TBC1D25: variants seen among roughly 807,000 people sequenced by gnomAD.
The protein encoded by TBC1D25 is TBC1 domain family member 25.
TBC1D25 carries 13 observed loss-of-function variants against 38.8 expected under a neutral mutation model. The observed-to-expected ratio is 0.34, with a 90% confidence interval of 0.22 to 0.53. The LOEUF (loss-of-function observed/expected upper bound fraction) is 0.53, where lower values mean the gene tolerates loss of function less well. Ranked by LOEUF, TBC1D25 falls within the 20% of genes least tolerant of loss-of-function variation. TBC1D25 has a pLI of 0.94. For synonymous variants in TBC1D25, 225 were observed against 255.6 expected, an observed-to-expected ratio of 0.88 and a Z score of 1.14; for missense variants, 372 against 600.0, an observed-to-expected ratio of 0.62 and a Z score of 3.97.
chrX:48,553,636 T>TC (rs2061952999), intron 3 of TBC1D25, among the ~76,000 whole-genome samples: 1 of 100,751 alleles, frequency 9.9e-6, no homozygotes. Context: ...TTTTTTTTTT[T>TC]TTGAGGCAGG....
rs111960879 is a variant in TBC1D25 at position 48,543,896 on chromosome X, A to AC, written c.234-973_234-972insC. ...GAGACTCCGTCTCAAAAAAAAAAAA[A>AC]AACGAATTTATGATCTCATCAGCAG... On this transcript the variant is annotated intron_variant, in intron 2 of 5. Coordinates refer to ENST00000376771, the MANE Select transcript of TBC1D25 (RefSeq NM_002536.4). 1.4e-3 allele frequency among the ~76,000 whole-genome samples: 156 copies of AC among 110,116 alleles called. 2 individuals carry two copies. Among genetic ancestry groups the AC allele is most frequent in the African/African-American group, 4.9e-3 (149 of 30,250 alleles).
At chrX:48,553,113 G>A (rs2061948114) in intron 3 of TBC1D25, among the ~76,000 whole-genome samples, 1 of 109,609 alleles carries the variant, frequency 9.1e-6, no homozygotes, top group Non-Finnish European at 1.9e-5. Context: ...TTTAAATTCC[G>A]GGTTATCATT....
rs1231628176 is a variant in TBC1D25 at position 48,562,380 on chromosome X, A to AC, written c.*1410dup. 7.2e-5 allele frequency: 8 copies of AC among 111,748 alleles called. No individual in the cohort carries two copies. The East Asian group carries it at 2.3e-3, about 31-fold the overall frequency. 9.2% of individuals were successfully genotyped at this position (111,748 alleles called of 1,213,427 possible). ...GGATGACCCTTAAAAGTCTCCCGTCACCCCCAGTATTGGGGGGAAGCTGAC... is the reference window on the plus strand; with the variant it reads ...GGATGACCCTTAAAAGTCTCCCGTCACCCCCCAGTATTGGGGGGAAGCTGAC... On this transcript the variant is annotated 3_prime_UTR_variant, in exon 6 of 6. Transcript: ENST00000376771.
At chrX:48,549,929 A>T (rs1236299029) in intron 3 of TBC1D25, among the ~76,000 whole-genome samples, 2 of 112,300 alleles carry the variant, frequency 1.8e-5, no homozygotes, top group African/African-American at 6.5e-5. Context: ...CATTGTGATA[A>T]GCAGACCTAG....
intron 2 of TBC1D25, 122 bp downstream of exon 2, chrX:48,541,564 C>A (rs781969712): frequency 3.0e-4 from 205 of 679,687 alleles, no homozygotes; most frequent in Non-Finnish European, 4.6e-4. Context: ...AGTGAACAGC[C>A]ACGTATGCAT....
At position 48,550,367 on chromosome X, in the gene TBC1D25, A is replaced by G. The variant is rs1476613636; in HGVS notation, c.388+5344A>G. 4.5e-5 allele frequency among the ~76,000 whole-genome samples: 5 copies of G among 112,133 alleles called. No individual in the cohort carries two copies. The Admixed American group carries it at 4.8e-4, about 11-fold the overall frequency. On this transcript the variant is annotated intron_variant, in intron 3 of 5. Coordinates refer to ENST00000376771, the MANE Select transcript of TBC1D25 (RefSeq NM_002536.4). Reference sequence around the variant, plus strand: ...TTTGTCACATATTCAGTTTCCATATATACAAGCTTGGATTTATTTCTGGGC... The same window carrying G: ...TTTGTCACATATTCAGTTTCCATATGTACAAGCTTGGATTTATTTCTGGGC...
intron 3 of TBC1D25, among the ~76,000 whole-genome samples, chrX:48,557,808 C>CA (rs61406665): frequency 2.9e-5 from 3 of 103,574 alleles, no homozygotes; most frequent in Non-Finnish European, 2.0e-5. Context: ...GACTCCATCT[C>CA]AAAAAAAAAA....
intron 2 of TBC1D25, among the ~76,000 whole-genome samples, chrX:48,543,860 G>A (rs1434184896): frequency 9.9e-6 from 1 of 100,671 alleles, no homozygotes; most frequent in Non-Finnish European, 2.0e-5. Flanking sequence ...CTCCAGACTG[G>A]GCGACAGAGT....
intron 3 of TBC1D25, among the ~76,000 whole-genome samples, chrX:48,549,367 A>G (rs1288440669): frequency 3.6e-5 from 4 of 112,411 alleles, no homozygotes; most frequent in Non-Finnish European, 1.9e-5. Context: ...GGTACTGCAA[A>G]TATTTTTCCC....
Position 48,540,977 on chromosome X carries a change from G to T in TBC1D25, c.124-356G>T, listed in dbSNP as rs1448198574. 8.0e-5 allele frequency among the ~76,000 whole-genome samples: 9 copies of T among 112,147 alleles called. No homozygotes were observed. The Admixed American group carries it at 8.5e-4, about 11-fold the overall frequency. The stretch of plus-strand genomic sequence containing the variant: ...AGTTCAAAAAACCTGGTGAGAGGCT[G>T]GCTGGGGCCCCATAGGCCCGCTTGC... On this transcript the variant is annotated intron_variant, in intron 1 of 5. Transcript: ENST00000376771.
At chrX:48,549,998 T>G (rs1336376832) in intron 3 of TBC1D25, among the ~76,000 whole-genome samples, 1 of 110,717 alleles carries the variant, frequency 9.0e-6, no homozygotes, top group Non-Finnish European at 1.9e-5. Flanking sequence ...TTTAATTTTT[T>G]TTTTTGAGAC....
Position 48,545,033 on chromosome X carries a change from CA to C in TBC1D25, c.388+11del. On this transcript the variant is annotated intron_variant, in intron 3 of 5. Transcript: ENST00000376771. ...CGGCCCTCGGAGGACAGTGAGTACTCAGTGCCCCCAGGAGCACTGCTCTGGA... is the reference window on the plus strand; with the variant it reads ...CGGCCCTCGGAGGACAGTGAGTACTCGTGCCCCCAGGAGCACTGCTCTGGA... The C allele has an allele frequency of 8.3e-7, 1 of 1,209,471 alleles. No individual in the cohort carries two copies. Among genetic ancestry groups the C allele is most frequent in the Non-Finnish European group, 1.1e-6 (1 of 895,096 alleles).
rs2061880710 is a variant in TBC1D25 at position 48,546,040 on chromosome X, T to C, written c.388+1017T>C. Among the ~76,000 whole-genome samples, 3 of 108,977 alleles carry C rather than the reference T, an allele frequency of 2.8e-5. No homozygotes were observed. In the Admixed American group the frequency reaches 3.0e-4, roughly 11 times the overall value. 94.6% of individuals were successfully genotyped at this position (108,977 alleles called of 115,157 possible). On this transcript the variant is annotated intron_variant, in intron 3 of 5. Coordinates refer to ENST00000376771, the MANE Select transcript of TBC1D25 (RefSeq NM_002536.4). ...TCCTGGCCAACATGGTGAAACCCTG[T>C]CTCTACTAAAAAAAATACAAAAATT...
At chrX:48,541,680 T>TGAGA (rs782374730) in intron 2 of TBC1D25, among the ~76,000 whole-genome samples, 1 of 111,117 alleles carries the variant, frequency 9.0e-6, no homozygotes, top group Non-Finnish European at 1.9e-5. Context: ...TAAGATATTT[T>TGAGA]GAGAGAGAGA....
chrX:48,558,963 C>T lies in TBC1D25; in HGVS notation c.455C>T (p.Ala152Val). 3 of 1,211,835 alleles carry T rather than the reference C, an allele frequency of 2.5e-6. No individual in the cohort carries two copies. The highest frequency in any genetic ancestry group is 2.2e-6 in the Non-Finnish European group (2 of 895,557). The change falls in exon 4 of 6, where the codon GCT (alanine) becomes GTT (valine). Residue 152 changes from alanine (A) to valine (V), a missense_variant. Around this residue, in one of 2 missense-constraint regions of TBC1D25, gnomAD observed 312 missense variants for 549.3 expected, o/e 0.57. Transcript: ENST00000376771. ...KDVIGSDVLL[A>V]EKRSSLTTAA... Reference sequence around the variant, plus strand: ...GTCATTGGCTCCGACGTGTTGCTGGCTGAGAAACGGTCATCACTGACGACT... The same window carrying T: ...GTCATTGGCTCCGACGTGTTGCTGGTTGAGAAACGGTCATCACTGACGACT...
At chrX:48,548,559 C>A (rs2061905230) in intron 3 of TBC1D25, among the ~76,000 whole-genome samples, 1 of 111,828 alleles carries the variant, frequency 8.9e-6, no homozygotes, top group East Asian at 2.8e-4. Context: ...TGATTGGAGT[C>A]ATATTTTTAA....
At chrX:48,550,113 A>C (rs963600216) in intron 3 of TBC1D25, among the ~76,000 whole-genome samples, 1 of 110,266 alleles carries the variant, frequency 9.1e-6, no homozygotes, top group African/African-American at 3.3e-5. Flanking sequence ...CAGCCTCCCA[A>C]ATAGCTGGGA....
chrX:48,547,140 A>C (rs1425586195), intron 3 of TBC1D25, among the ~76,000 whole-genome samples: 1 of 112,257 alleles, frequency 8.9e-6, no homozygotes, highest in Non-Finnish European at 1.9e-5. Context: ...ATAGATGAGG[A>C]AACTGAGGCT....
At chrX:48,542,882 A>G (rs781811149) in intron 2 of TBC1D25, among the ~76,000 whole-genome samples, 5 of 111,466 alleles carry the variant, frequency 4.5e-5, no homozygotes, top group Non-Finnish European at 9.4e-5. Context: ...ATTACAGGTG[A>G]GCCACTGCGC....
Sources: gnomAD v4.1 joint callset for allele counts (sites outside exome capture counted in the v4.1 genomes callset) on GRCh38, gnomAD v4.1.1 for gene constraint, gnomAD v4.1.1 regional missense constraint, MANE v1.5 for transcripts, NCBI Gene and HGNC (gene_info 2026-07-23, HGNC 2026-07-21) for gene names.